The following RPS20 variants were observed in gnomAD, a reference collection of about 807,000 sequenced individuals.
RPS20 encodes ribosomal protein S20, also known as small ribosomal subunit protein uS10.
In RPS20, 3 loss-of-function variants were observed where a neutral mutation model predicts 15.3. That is an observed-to-expected ratio of 0.20 (90% confidence interval 0.09 to 0.51). The LOEUF is 0.51. RPS20 is among the 20% of genes least tolerant of loss of function. RPS20 has a pLI of 0.96. For missense variants in RPS20, 67 were observed against 145.9 expected, an observed-to-expected ratio of 0.46 and a Z score of 2.79; for synonymous variants, 62 against 47.8, an observed-to-expected ratio of 1.30 and a Z score of -1.23.
downstream of RPS20, among the ~76,000 whole-genome samples, chr8:56,071,048 G>A (rs1809739646): frequency 6.6e-6 from 1 of 152,174 alleles, no homozygotes; most frequent in Non-Finnish European, 1.5e-5. Flanking sequence ...GAAGATAACA[G>A]CAGTTTCAAA....
downstream of RPS20, chr8:56,072,939 A>G (rs1019618941): frequency 1.7e-5 from 24 of 1,394,114 alleles, no homozygotes; most frequent in Non-Finnish European, 2.2e-5. Flanking sequence ...ACGACAACGA[A>G]AACAGGATAG....
chr8:56,068,175 T>C (rs370889165), downstream of RPS20: 99 of 152,340 alleles, frequency 6.5e-4, 1 homozygote, highest in African/African-American at 2.3e-3. Flanking sequence ...CTTTTGTGTA[T>C]GTTTGAAATT....
At chr8:56,073,448 TA>T in intron 3 of RPS20, 176 bp from the exon 4 acceptor site, 1 of 640,340 alleles carries the variant, frequency 1.6e-6, no homozygotes, top group Non-Finnish European at 2.7e-6. Context: ...TTCACTGTGC[TA>T]GGACACCACC....
At chr8:56,073,514 AT>A in intron 3 of RPS20, 180 bp downstream of exon 3, 1 of 653,866 alleles carries the variant, frequency 1.5e-6, no homozygotes, top group Non-Finnish European at 2.7e-6. Context: ...AGCAACAATA[AT>A]TCAACAATCA....
At chr8:56,069,321 G>C (rs1037717237), downstream of RPS20, among the ~76,000 whole-genome samples, 15 of 151,978 alleles carry the variant, frequency 9.9e-5, no homozygotes, top group Non-Finnish European at 7.4e-5. Context: ...CACTGCACTT[G>C]GCAATCTCGG....
At chr8:56,072,998 A>T, downstream of RPS20, 1 of 1,510,988 alleles carries the variant, frequency 6.6e-7, no homozygotes, top group Non-Finnish European at 8.8e-7. Context: ...GAAGTCTCAT[A>T]GTACACCTTT....
chr8:56,070,736 T>TC (rs933244609), downstream of RPS20, among the ~76,000 whole-genome samples: 8 of 123,476 alleles, frequency 6.5e-5, no homozygotes, highest in Non-Finnish European at 1.5e-4. Flanking sequence ...CCATTTAAAT[T>TC]CAAAAAAAAA....
At chr8:56,074,292 A>C in intron 1 of RPS20, 89 bp downstream of exon 1, 1 of 1,541,136 alleles carries the variant, frequency 6.5e-7, no homozygotes, top group Non-Finnish European at 8.8e-7. Context: ...ACGCCCCGGC[A>C]TCTGCCCTCA....
downstream of RPS20, chr8:56,069,899 T>C: frequency 1.3e-6 from 1 of 774,060 alleles, no homozygotes; most frequent in Non-Finnish European, 2.3e-6. Flanking sequence ...TTCTTTTTCT[T>C]GTCATTATTC....
chr8:56,069,013 G>A (rs1350497826), downstream of RPS20, among the ~76,000 whole-genome samples: 2 of 151,130 alleles, frequency 1.3e-5, no homozygotes, highest in African/African-American at 4.9e-5. Flanking sequence ...GGTCAGGCTG[G>A]TCTCGAACTC....
Position 56,074,142 on chromosome 8 carries a change from T to C in RPS20, c.21A>G (p.Gly7=), listed in dbSNP as rs774426726. 2 of 1,612,946 alleles carry C rather than the reference T, an allele frequency of 1.2e-6. No individual in the cohort carries two copies. The highest frequency in any genetic ancestry group is 1.3e-5 in the African/African-American group (1 of 75,038). MAFKDT[G]KTPVEPEVAI... is the part of the protein sequence containing the mutation. ...CCACCTCCGGCTCCACGGGTGTTTT[T>C]CCGGTATCCTTAAAAGCCTATTATT... Residue 7 remains glycine, a synonymous_variant, in exon 2 of 4, where the codon GGA becomes GGG. Transcript: ENST00000009589.
In RPS20 at chr8:56,074,418, C is replaced by G; in HGVS notation, c.-35G>C. The stretch of plus-strand genomic sequence containing the variant: ...GCGCGGGCTTCCTGACCGACTTGTT[C>G]CTCGGCGAGAGCGAACAGCGGTGAG... On this transcript the variant is annotated 5_prime_UTR_variant, in exon 1 of 4. Transcript: ENST00000009589. 2 of 1,552,550 alleles carry G rather than the reference C, an allele frequency of 1.3e-6. No individual in the cohort carries two copies. The highest frequency in any genetic ancestry group is 1.7e-6 in the Non-Finnish European group (2 of 1,155,014).
downstream of RPS20, among the ~76,000 whole-genome samples, chr8:56,072,100 T>C (rs1809778268): frequency 6.6e-6 from 1 of 152,068 alleles, no homozygotes; most frequent in South Asian, 2.1e-4. Flanking sequence ...TAGCTGGGCA[T>C]GGTAGCCACA....
At chr8:56,069,471 G>T (rs772636930), downstream of RPS20, among the ~76,000 whole-genome samples, 1 of 152,064 alleles carries the variant, frequency 6.6e-6, no homozygotes, top group Non-Finnish European at 1.5e-5. Flanking sequence ...GCTAATTTTT[G>T]TATTTTTAGT....
intron 1 of RPS20, 62 bp from the exon 2 acceptor site, chr8:56,074,221 G>A (rs746122265): frequency 1.3e-6 from 2 of 1,547,296 alleles, no homozygotes; most frequent in South Asian, 1.1e-5. Flanking sequence ...TCTGGAGAAA[G>A]GCAGCTTCCG....
chr8:56,074,297 CCCT>C, intron 1 of RPS20, 81 bp downstream of exon 1: 1 of 1,539,472 alleles, frequency 6.5e-7, no homozygotes. Context: ...CCGGCATCTG[CCCT>C]CAGGAGCACG....
downstream of RPS20, chr8:56,068,220 T>C (rs1809659989): frequency 6.6e-6 from 1 of 152,176 alleles, no homozygotes; most frequent in African/African-American, 2.4e-5. Flanking sequence ...AACCCAACAT[T>C]ATCAAAATGA....
intron 1 of RPS20, 40 bp from the exon 2 acceptor site, chr8:56,074,199 T>A: frequency 6.4e-7 from 1 of 1,573,760 alleles, no homozygotes; most frequent in Non-Finnish European, 8.7e-7. Flanking sequence ...AAGCCAAAAA[T>A]GGTCTGCCAC....
At position 56,073,663 on chromosome 8, in the gene RPS20, C is replaced by T. The variant is rs753535948; in HGVS notation, c.177+32G>A. On this transcript the variant is annotated intron_variant, in intron 3 of 3. Transcript: ENST00000009589. The stretch of plus-strand genomic sequence containing the variant: ...GAATTTATGCAACATCCGGAAGCAA[C>T]TCCTACTTCCTGCCCCTCCGATTTA... 8.9e-6 allele frequency: 14 copies of T among 1,573,788 alleles called. No individual in the cohort carries two copies. In the African/African-American group the frequency reaches 1.5e-4, roughly 17 times the overall value.
Sources: gnomAD v4.1 joint callset for allele counts (sites outside exome capture counted in the v4.1 genomes callset) on GRCh38, gnomAD v4.1.1 for gene constraint, MANE v1.5 for transcripts, NCBI Gene and HGNC (gene_info 2026-07-23, HGNC 2026-07-21) for gene names.